The following FSTL5 variants were observed in gnomAD, a reference collection of about 807,000 sequenced individuals.
The protein encoded by FSTL5 is follistatin-related protein 5.
A neutral mutation model predicts 89.1 loss-of-function variants in FSTL5; 62 were observed. The ratio of observed to expected loss-of-function variants is 0.70; its 90% CI spans 0.57 to 0.86. The LOEUF (loss-of-function observed/expected upper bound fraction) is 0.86. FSTL5 is among the 40% of genes least tolerant of loss of function. The pLI is 0.00. For synonymous variants in FSTL5, 383 were observed against 346.2 expected (o/e 1.11, Z -1.18); for missense variants, 1,057 against 1,001.6 (o/e 1.06, Z -0.75).
rs189442192 is a variant in FSTL5 at position 161,829,528 on chromosome 4, C to A, written c.410-53454G>T. ...ATGCAATTCAAATTTATAATCATTT[C>A]ACTTCAAAATTGTCTTGTTTTAAGT... On this transcript the variant is annotated intron_variant, in intron 4 of 15. Transcript: ENST00000306100. 1.6e-4 allele frequency among the ~76,000 whole-genome samples: 24 copies of A among 151,948 alleles called. No individual in the cohort carries two copies. In the East Asian group the frequency reaches 4.6e-3, roughly 29 times the overall value.
At chr4:162,067,272 C>CA (rs1198209410) in intron 2 of FSTL5, among the ~76,000 whole-genome samples, 1 of 152,082 alleles carries the variant, frequency 6.6e-6, no homozygotes, top group Non-Finnish European at 1.5e-5. Context: ...AGGCTGTTCT[C>CA]AGAGTCCTGG....
At chr4:161,755,228 T>C (rs180924464) in intron 6 of FSTL5, among the ~76,000 whole-genome samples, 3 of 152,150 alleles carry the variant, frequency 2.0e-5, no homozygotes, top group Admixed American at 2.0e-4. Flanking sequence ...TTAACAATAC[T>C]AAAAATTATG....
chr4:161,603,424 T>A (rs907942083), intron 7 of FSTL5, among the ~76,000 whole-genome samples: 9 of 152,142 alleles, frequency 5.9e-5, no homozygotes, highest in African/African-American at 1.9e-4. Context: ...TCTCTATTTT[T>A]CTCTACTTGC....
At chr4:161,811,083 C>A (rs1176773287) in intron 4 of FSTL5, among the ~76,000 whole-genome samples, 1 of 151,958 alleles carries the variant, frequency 6.6e-6, no homozygotes, top group East Asian at 1.9e-4. Flanking sequence ...AAATAGTGAA[C>A]ATAAATAAAT....
chr4:161,944,628 C>CTA (rs919723133), intron 3 of FSTL5, among the ~76,000 whole-genome samples: 5 of 151,522 alleles, frequency 3.3e-5, no homozygotes, highest in South Asian at 4.1e-4. Context: ...TAAAAAGTTG[C>CTA]TATATATATG....
At chr4:161,931,791 G>GT (rs1425340549) in intron 3 of FSTL5, among the ~76,000 whole-genome samples, 1 of 151,828 alleles carries the variant, frequency 6.6e-6, no homozygotes, top group Non-Finnish European at 1.5e-5. Flanking sequence ...GCAGTAGGTG[G>GT]TAAGTTCCTC....
chr4:161,953,948 T>C (rs1016917491), intron 3 of FSTL5, among the ~76,000 whole-genome samples: 2 of 151,576 alleles, frequency 1.3e-5, no homozygotes, highest in African/African-American at 4.8e-5. Flanking sequence ...CAAATGCAAA[T>C]GAAACAATTT....
intron 15 of FSTL5, among the ~76,000 whole-genome samples, chr4:161,417,476 G>T (rs2126305733): frequency 6.6e-6 from 1 of 152,078 alleles, no homozygotes; most frequent in Admixed American, 6.5e-5. Context: ...TTCTTTCCTG[G>T]CATTTACAAT....
chr4:161,513,342 G>C (rs1176896849), intron 10 of FSTL5, among the ~76,000 whole-genome samples: 1 of 148,238 alleles, frequency 6.7e-6, no homozygotes, highest in Non-Finnish European at 1.5e-5. Context: ...AGGAGAAAGA[G>C]GGCCTTTTGA....
chr4:161,961,530 T>A lies in FSTL5; in HGVS notation c.161-40878A>T, dbSNP rs985836913. 8.1e-3 allele frequency among the ~76,000 whole-genome samples: 1,214 copies of A among 150,660 alleles called. 12 individuals are homozygous for A. Among genetic ancestry groups the A allele is most frequent in the African/African-American group, 0.028 (1,142 of 41,228 alleles). On this transcript the variant is annotated intron_variant, in intron 3 of 15. Coordinates refer to ENST00000306100, the MANE Select transcript of FSTL5 (RefSeq NM_020116.5). ...CATCACATTACTCTAGAAAAATATA[T>A]ATATATATATACATATACATATATA...
At chr4:161,428,614 C>A (rs569264576) in intron 15 of FSTL5, among the ~76,000 whole-genome samples, 1 of 152,268 alleles carries the variant, frequency 6.6e-6, no homozygotes, top group Non-Finnish European at 1.5e-5. Flanking sequence ...TCTAGACACA[C>A]CCTGGGCCAG....
chr4:161,667,527 G>T (rs1037484260), intron 6 of FSTL5, among the ~76,000 whole-genome samples: 1 of 152,018 alleles, frequency 6.6e-6, no homozygotes, highest in Admixed American at 6.5e-5. Flanking sequence ...TATTGACATT[G>T]CAAGACTTGT....
intron 8 of FSTL5, among the ~76,000 whole-genome samples, chr4:161,561,531 T>C (rs1256454048): frequency 6.6e-6 from 1 of 151,892 alleles, no homozygotes; most frequent in Non-Finnish European, 1.5e-5. Flanking sequence ...GTTAAGATAG[T>C]GGTGAGGATT....
intron 2 of FSTL5, among the ~76,000 whole-genome samples, chr4:162,066,356 C>CTTCTTCTTCTTCTTCTTCTTG (rs1561000563): frequency 3.0e-5 from 3 of 100,794 alleles, no homozygotes; most frequent in African/African-American, 1.1e-4. Flanking sequence ...TCTTCTTCTC[C>CTTCTTCTTCTTCTTCTTCTTG]TTCTTCTTCT....
intron 13 of FSTL5, among the ~76,000 whole-genome samples, chr4:161,473,690 T>C (rs959531533): frequency 6.6e-6 from 1 of 152,166 alleles, no homozygotes; most frequent in Non-Finnish European, 1.5e-5. Context: ...TCCTGGCCTC[T>C]CAAAGTGCTG....
At chr4:161,853,712 C>A (rs1012509633) in intron 4 of FSTL5, among the ~76,000 whole-genome samples, 1 of 152,108 alleles carries the variant, frequency 6.6e-6, no homozygotes. Context: ...AAAACGTTAA[C>A]CTTTCTTGGG....
chr4:161,455,297 T>A (rs1036677919), intron 14 of FSTL5, among the ~76,000 whole-genome samples, 169 bp from the exon 15 acceptor site: 1 of 152,226 alleles, frequency 6.6e-6, no homozygotes, highest in African/African-American at 2.4e-5. Flanking sequence ...GTGACTGTTT[T>A]GCTTATTTTC....
At chr4:161,752,550 G>A (rs1201380877) in intron 6 of FSTL5, among the ~76,000 whole-genome samples, 1 of 152,110 alleles carries the variant, frequency 6.6e-6, no homozygotes, top group African/African-American at 2.4e-5. Flanking sequence ...AGAGTTACTA[G>A]TAAGTTCCTT....
intron 1 of FSTL5, among the ~76,000 whole-genome samples, chr4:162,154,117 T>A (rs908766246): frequency 2.6e-5 from 4 of 152,052 alleles, no homozygotes; most frequent in Non-Finnish European, 5.9e-5. Context: ...AAAATAGCTA[T>A]AATCTCAATA....
Sources: gnomAD v4.1 joint callset for allele counts (sites outside exome capture counted in the v4.1 genomes callset) on GRCh38, gnomAD v4.1.1 for gene constraint, MANE v1.5 for transcripts, NCBI Gene and HGNC (gene_info 2026-07-23, HGNC 2026-07-21) for gene names.